SNX2: variants seen among roughly 807,000 people sequenced by gnomAD.
SNX2 encodes the protein sorting nexin-2.
Under a neutral mutation model 69.9 loss-of-function variants are expected in SNX2, and 25 were observed. The ratio of observed to expected loss-of-function variants is 0.36; its 90% CI spans 0.26 to 0.50. SNX2 has a LOEUF of 0.50. SNX2 is among the 20% of genes least tolerant of loss of function. The pLI, the probability that SNX2 is intolerant of heterozygous loss-of-function variation, is 0.97. For synonymous variants in SNX2, 229 were observed against 200.4 expected, an observed-to-expected ratio of 1.14 and a Z score of -1.20; for missense variants, 551 against 613.3, an observed-to-expected ratio of 0.90 and a Z score of 1.07.
intron 6 of SNX2, among the ~76,000 whole-genome samples, chr5:122,806,142 G>GCACGCACGCGCACACACACA (rs1554063175): frequency 2.3e-5 from 3 of 130,584 alleles, no homozygotes; most frequent in African/African-American, 8.7e-5. Flanking sequence ...ACACGCGCGC[G>GCACGCACGCGCACACACACA]CACACACACA....
At chr5:122,775,625 C>T in intron 1 of SNX2, 1 of 988,618 alleles carries the variant, frequency 1.0e-6, no homozygotes, top group Non-Finnish European at 1.2e-6. Flanking sequence ...TGTGCCGCTG[C>T]CAGGGGAGCG....
chr5:122,823,329 G>C (rs1754066840), intron 11 of SNX2, among the ~76,000 whole-genome samples: 1 of 143,826 alleles, frequency 7.0e-6, no homozygotes, highest in African/African-American at 2.7e-5. Context: ...CGAAGAAAAA[G>C]TTAATTTGTA....
At chr5:122,822,144 A>G (rs1561474905) in intron 11 of SNX2, among the ~76,000 whole-genome samples, 1 of 152,126 alleles carries the variant, frequency 6.6e-6, no homozygotes, top group East Asian at 1.9e-4. Flanking sequence ...GCCAGGCTAG[A>G]GTGCAGTGGT....
chr5:122,795,217 A>G (rs890596559), intron 1 of SNX2, 49 bp from the exon 2 acceptor site: 2 of 1,203,436 alleles, frequency 1.7e-6, no homozygotes, highest in Admixed American at 1.7e-5. Flanking sequence ...ACAGAATTAC[A>G]ACAGGTAAAC....
chr5:122,803,702 C>A, intron 6 of SNX2, 89 bp downstream of exon 6: 1 of 976,242 alleles, frequency 1.0e-6, no homozygotes, highest in Non-Finnish European at 1.5e-6. Context: ...TAGTCATTCA[C>A]TGTCAACATT....
At chr5:122,801,020 C>A (rs958663768) in intron 3 of SNX2, among the ~76,000 whole-genome samples, 15 of 152,082 alleles carry the variant, frequency 9.9e-5, no homozygotes, top group Non-Finnish European at 1.5e-5. Flanking sequence ...TGCTTTCCTT[C>A]GCGTCCAGAA....
In SNX2 at chr5:122,814,738, G is replaced by C. The variant is rs1753861881; in HGVS notation, c.723-1158G>C. ...TTACTGCATATGGTTATTAACTTGG[G>C]GAAAGATAGCAGGTTTTTTTTTGTT... On this transcript the variant is annotated intron_variant, in intron 7 of 14. Coordinates refer to ENST00000379516, the MANE Select transcript of SNX2 (RefSeq NM_003100.4). Among the ~76,000 whole-genome samples, 6 of 81,488 alleles carry C rather than the reference G, an allele frequency of 7.4e-5. No individual in the cohort carries two copies. In the South Asian group the frequency reaches 2.2e-3, roughly 30 times the overall value. The allele number at this position is 81,488 out of a possible 152,430, so 53.5% of individuals were successfully genotyped here.
intron 3 of SNX2, 101 bp downstream of exon 3, chr5:122,799,956 C>A: frequency 4.3e-6 from 4 of 920,044 alleles, no homozygotes; most frequent in South Asian, 2.0e-5. Flanking sequence ...GCCTTTTAGA[C>A]ATTTTGGGAA....
chr5:122,829,948 C>G lies in SNX2; in HGVS notation c.*300C>G, dbSNP rs996384849. ...TGCACTAAATAGTGCACTGCAAGAC[C>G]AGAAAATTTTACAATATTTTTTCTT... On this transcript the variant is annotated 3_prime_UTR_variant, in exon 15 of 15. Coordinates refer to ENST00000379516, the MANE Select transcript of SNX2 (RefSeq NM_003100.4). The G allele has an allele frequency of 3.1e-5, 10 of 327,162 alleles. No individual in the cohort carries two copies. The highest frequency in any genetic ancestry group is 1.7e-4 in the East Asian group (3 of 18,120). The allele number at this position is 327,162 out of a possible 1,614,324, so 20.3% of individuals were successfully genotyped here. A position where few individuals can be genotyped will look rare whatever the true frequency, so the allele number is the denominator to read the frequency against.
Position 122,797,913 on chromosome 5 carries a change from G to T in SNX2, c.227-1779G>T, listed in dbSNP as rs1390389308. Among the ~76,000 whole-genome samples, 8 of 152,236 alleles carry T rather than the reference G, an allele frequency of 5.3e-5. No homozygotes were observed. The South Asian group carries it at 1.0e-3, about 20-fold the overall frequency. On this transcript the variant is annotated intron_variant, in intron 2 of 14. Transcript: ENST00000379516. ...GTTGAATCTAAATCCTACAATTTTT[G>T]AATGAAGCAGCCTGTTAGTGTAAAT... is the stretch of plus-strand genomic sequence containing the variant.
At chr5:122,816,220 G>A (rs1034402286) in intron 8 of SNX2, among the ~76,000 whole-genome samples, 6 of 152,092 alleles carry the variant, frequency 3.9e-5, no homozygotes, top group Non-Finnish European at 8.8e-5. Flanking sequence ...TTTATAAGTA[G>A]TCTAACTCTG....
chr5:122,783,937 C>T (rs1460547785), intron 1 of SNX2, among the ~76,000 whole-genome samples: 1 of 151,884 alleles, frequency 6.6e-6, no homozygotes, highest in Non-Finnish European at 1.5e-5. Context: ...TCTTGATTTT[C>T]TTTCACTAAT....
chr5:122,798,400 A>C (rs1382399531), intron 2 of SNX2, among the ~76,000 whole-genome samples: 1 of 152,206 alleles, frequency 6.6e-6, no homozygotes, highest in African/African-American at 2.4e-5. Flanking sequence ...GAGATCATCT[A>C]TACCAAGTAA....
intron 11 of SNX2, among the ~76,000 whole-genome samples, chr5:122,821,507 G>A (rs1754023101): frequency 6.6e-6 from 1 of 151,178 alleles, no homozygotes. Flanking sequence ...CCAGGCTGGA[G>A]TGCAGTGGCG....
intron 11 of SNX2, among the ~76,000 whole-genome samples, chr5:122,819,619 A>C (rs1012407404): frequency 1.2e-4 from 18 of 152,218 alleles, no homozygotes; most frequent in African/African-American, 4.1e-4. Context: ...TATTCTGCAG[A>C]TATCTGCAGT....
intron 6 of SNX2, among the ~76,000 whole-genome samples, chr5:122,804,776 T>G (rs1264472819): frequency 6.6e-6 from 1 of 152,166 alleles, no homozygotes; most frequent in Non-Finnish European, 1.5e-5. Flanking sequence ...CATCTCAAAA[T>G]TTTGTAGTAT....
chr5:122,817,188 C>T, intron 9 of SNX2, 92 bp from the exon 10 acceptor site: 3 of 1,331,854 alleles, frequency 2.3e-6, no homozygotes, highest in Admixed American at 1.8e-5. Context: ...TAATTTGTTG[C>T]TTTAAAACAA....
At chr5:122,782,154 A>G (rs796385697) in intron 1 of SNX2, among the ~76,000 whole-genome samples, 18 of 152,178 alleles carry the variant, frequency 1.2e-4, no homozygotes, top group African/African-American at 3.6e-4. Flanking sequence ...CTAATGCCTA[A>G]TGTTGCTGAG....
At chr5:122,816,479 T>C (rs913954708) in intron 8 of SNX2, among the ~76,000 whole-genome samples, 4 of 152,194 alleles carry the variant, frequency 2.6e-5, no homozygotes, top group Non-Finnish European at 4.4e-5. Flanking sequence ...TTTCTTTAAA[T>C]TACTTGAGTT....
Sources: allele counts gnomAD v4.1 joint callset (sites outside exome capture counted in the v4.1 genomes callset), GRCh38; gene constraint gnomAD v4.1.1; transcripts MANE v1.5; gene names NCBI Gene and HGNC (gene_info 2026-07-23, HGNC 2026-07-21).